Variants in ZNF518A observed in about 807,000 individuals in gnomAD.
ZNF518A encodes the protein zinc finger protein 518.
ZNF518A carries 47 observed loss-of-function variants against 102.7 expected under a neutral mutation model. The ratio of observed to expected loss-of-function variants is 0.46; its 90% confidence interval spans 0.36 to 0.58. The LOEUF (loss-of-function observed/expected upper bound fraction) is 0.58. ZNF518A is among the 20% of genes least tolerant of loss of function. The probability of loss-of-function intolerance (pLI) is 0.00; values close to 1 mark genes in which losing one functional copy is unlikely to be tolerated. For synonymous variants in ZNF518A, 652 were observed against 594.6 expected (o/e 1.10, Z -1.40); for missense variants, 1,793 against 1,699.8 (o/e 1.05, Z -0.96).
At position 96,160,553 on chromosome 10, in the gene ZNF518A, A is replaced by G; in HGVS notation, c.4231A>G (p.Lys1411Glu). ...DDFSKRHKTFKPVSSVKERFV... is the reference protein window; with the variant it reads ...DDFSKRHKTFEPVSSVKERFV... Reference sequence around the variant, plus strand: ...TTTTTCCAAGAGGCACAAAACATTTAAACCTGTTAGTTCTGTGAAAGAAAG... The same window carrying G: ...TTTTTCCAAGAGGCACAAAACATTTGAACCTGTTAGTTCTGTGAAAGAAAG... The change falls in exon 6 of 6, where the codon AAA (lysine) becomes GAA (glutamate). Residue 1411 changes from lysine to glutamate, a missense_variant. Physicochemically the swap from Lys to Glu is moderately conservative, Grantham distance 56. Transcript: ENST00000316045. 2 of 1,612,270 alleles carry G rather than the reference A, an allele frequency of 1.2e-6. No individual in the cohort carries two copies. Among genetic ancestry groups the G allele is most frequent in the South Asian group, 1.1e-5 (1 of 90,722 alleles).
At chr10:96,141,715 A>G (rs1214737423) in intron 3 of ZNF518A, among the ~76,000 whole-genome samples, 3 of 151,166 alleles carry the variant, frequency 2.0e-5, no homozygotes, top group Non-Finnish European at 2.9e-5. Context: ...TTACTTTTGC[A>G]TATTTAACCC....
intron 1 of ZNF518A, among the ~76,000 whole-genome samples, chr10:96,182,755 G>T (rs782482716): frequency 5.9e-5 from 9 of 152,122 alleles, no homozygotes; most frequent in Non-Finnish European, 8.8e-5. Flanking sequence ...TTTTTGCATC[G>T]ATATTCATCA....
At chr10:96,133,027 T>C (rs1202923964) in intron 2 of ZNF518A, 1 of 152,120 alleles carries the variant, frequency 6.6e-6, no homozygotes, top group Non-Finnish European at 1.5e-5. Context: ...AAGTTATAGT[T>C]TTATTTTATT....
At position 96,157,464 on chromosome 10, in the gene ZNF518A, A is replaced by G; in HGVS notation, c.1142A>G (p.Asn381Ser). Residue 381 changes from asparagine (N) to serine (S), a missense_variant, in exon 6 of 6, where the codon AAT becomes AGT. By Grantham distance (46) the Asn-to-Ser change is conservative (BLOSUM62 1). Around this residue, in one of 3 missense-constraint regions of ZNF518A, gnomAD observed 1,741 missense variants for 1,622.6 expected, o/e 1.07. Transcript: ENST00000316045. ...AAGGATGAAAGACTACACTGTGAGA[A>G]TAATGATAAAGCCCCTGAATCAGAG... is the stretch of plus-strand genomic sequence containing the variant. ...EEKDERLHCE[N>S]NDKAPESESE... The G allele has an allele frequency of 6.2e-7, 1 of 1,613,764 alleles. No homozygotes were observed.
chr10:96,201,051 T>C, intron 1 of ZNF518A: 1 of 1,613,932 alleles, frequency 6.2e-7, no homozygotes, highest in Non-Finnish European at 8.5e-7. Context: ...TTCCCCCTTC[T>C]GTAAATCCTG....
chr10:96,190,989 C>A (rs1228293775), intron 1 of ZNF518A, among the ~76,000 whole-genome samples: 1 of 152,140 alleles, frequency 6.6e-6, no homozygotes, highest in Non-Finnish European at 1.5e-5. Flanking sequence ...TGAATTGTAG[C>A]TCCCATAATC....
At chr10:96,145,112 C>G (rs1254906935) in intron 3 of ZNF518A, among the ~76,000 whole-genome samples, 1 of 125,178 alleles carries the variant, frequency 8.0e-6, no homozygotes, top group Non-Finnish European at 1.8e-5. Flanking sequence ...CTCTGTCGCC[C>G]AGGCTGGAGT....
intron 1 of ZNF518A, among the ~76,000 whole-genome samples, chr10:96,170,477 T>C (rs2133882591): frequency 6.6e-6 from 1 of 152,308 alleles, no homozygotes; most frequent in South Asian, 2.1e-4. Flanking sequence ...AGGGCTGTTA[T>C]TTACAGTGCT....
At chr10:96,188,816 C>T (rs2083288366) in intron 1 of ZNF518A, among the ~76,000 whole-genome samples, 2 of 152,254 alleles carry the variant, frequency 1.3e-5, no homozygotes, top group South Asian at 4.1e-4. Context: ...AACTGGGTGG[C>T]TTAAAAAGCC....
In ZNF518A at chr10:96,197,029, T is replaced by C. The variant is rs781820500; in HGVS notation, n.36-6545T>C. 2.5e-6 allele frequency: 4 copies of C among 1,613,126 alleles called. No homozygotes were observed. The South Asian group carries it at 4.4e-5, about 18-fold the overall frequency. On this transcript the variant is annotated intron_variant and non_coding_transcript_variant, in intron 1 of 2. Transcript: ENST00000442635. ...TAGTGTATATGGTTGTTTGGAATCA[T>C]GGCCAGAGCTTTTCCGAATAAGAAA...
intron 1 of ZNF518A, among the ~76,000 whole-genome samples, chr10:96,179,868 C>CTTCT (rs1258547397): frequency 7.0e-6 from 1 of 142,128 alleles, no homozygotes; most frequent in African/African-American, 2.6e-5. Context: ...TTTTTTTCTT[C>CTTCT]TTCTTTCTTT....
intron 1 of ZNF518A, among the ~76,000 whole-genome samples, chr10:96,198,989 G>A (rs2083553119): frequency 1.3e-5 from 2 of 152,200 alleles, no homozygotes; most frequent in East Asian, 3.8e-4. Context: ...ATAAGCCACT[G>A]CGCCTGGCTG....
chr10:96,202,239 C>G (rs1186295277), intron 1 of ZNF518A, among the ~76,000 whole-genome samples: 1 of 152,058 alleles, frequency 6.6e-6, no homozygotes, highest in Non-Finnish European at 1.5e-5. Flanking sequence ...GGGTTTTGAA[C>G]AGGGGGGTAA....
rs994132872 is a variant in ZNF518A, at chr10:96,200,382, A to C, written n.36-3192A>C. On this transcript the variant is annotated intron_variant and non_coding_transcript_variant, in intron 1 of 2. Transcript: ENST00000442635. This position sits in a 1 kb window ranked among gnomAD's most constrained non-coding sequence, Gnocchi z 4.3. Reference sequence around the variant, plus strand: ...TTGGCCTTAGCTAGGTTCCTGAATTATTTCTTTCTTTCTCCTAAATAAGTA... The same window carrying C: ...TTGGCCTTAGCTAGGTTCCTGAATTCTTTCTTTCTTTCTCCTAAATAAGTA... Among the ~76,000 whole-genome samples, 9 of 151,790 alleles carry C rather than the reference A, an allele frequency of 5.9e-5. No individual in the cohort carries two copies. Among genetic ancestry groups the C allele is most frequent in the Non-Finnish European group, 7.4e-5 (5 of 67,910 alleles).
At chr10:96,203,162 G>A (rs1365434802) in intron 1 of ZNF518A, among the ~76,000 whole-genome samples, 1 of 152,230 alleles carries the variant, frequency 6.6e-6, no homozygotes, top group East Asian at 1.9e-4. Flanking sequence ...CCTGGCACAC[G>A]GCATATGGTC....
downstream of ZNF518A, among the ~76,000 whole-genome samples, chr10:96,164,824 A>G (rs1238839474): frequency 2.0e-5 from 3 of 152,168 alleles, no homozygotes; most frequent in Non-Finnish European, 4.4e-5. Flanking sequence ...TAAAATAAGA[A>G]TTTTTCCATA....
intron 1 of ZNF518A, among the ~76,000 whole-genome samples, chr10:96,174,938 T>C (rs1564801429): frequency 6.6e-6 from 1 of 152,114 alleles, no homozygotes; most frequent in Non-Finnish European, 1.5e-5. Flanking sequence ...ACAATGGAAT[T>C]ATTGCCCTTA....
intron 1 of ZNF518A, among the ~76,000 whole-genome samples, chr10:96,191,400 A>C (rs1474707715): frequency 4.6e-5 from 7 of 152,170 alleles, no homozygotes; most frequent in Non-Finnish European, 1.0e-4. Context: ...CTAACAGCAT[A>C]ATCCTAGACA....
rs1372497614 is a variant in ZNF518A, at chr10:96,162,459, A to G, written c.*1685A>G. 6.0e-6 allele frequency: 1 copy of G among 166,942 alleles called. No individual in the cohort carries two copies. The highest frequency in any genetic ancestry group is 2.4e-5 in the African/African-American group (1 of 41,452). 10.3% of individuals were successfully genotyped at this position (166,942 alleles called of 1,614,324 possible). ...AGGTCCCAAATGGGCCCATTCCCCTAATAGTTTTATTTTTAAAGAAAGCCA... is the reference window on the plus strand; with the variant it reads ...AGGTCCCAAATGGGCCCATTCCCCTGATAGTTTTATTTTTAAAGAAAGCCA... On this transcript the variant is annotated 3_prime_UTR_variant, in exon 6 of 6. Transcript: ENST00000316045.
Sources: gnomAD v4.1 joint callset for allele counts (sites outside exome capture counted in the v4.1 genomes callset) on GRCh38, gnomAD v4.1.1 for gene constraint, gnomAD v4.1.1 regional missense constraint, Gnocchi (gnomAD v3.1) non-coding constraint, MANE v1.5 for transcripts, NCBI Gene and HGNC (gene_info 2026-07-23, HGNC 2026-07-21) for gene names.